KDM4C: variants seen among roughly 807,000 people sequenced by gnomAD.
KDM4C encodes the protein lysine-specific demethylase 4C.
Under a neutral mutation model 129.3 loss-of-function variants are expected in KDM4C, and 81 were observed. That is an observed-to-expected ratio of 0.63 (90% CI 0.52 to 0.75). The LOEUF is 0.75. Ranked by LOEUF, KDM4C falls within the 30% of genes least tolerant of loss-of-function variation. KDM4C has a pLI of 0.00. For missense variants in KDM4C, 1,457 were observed against 1,304.0 expected, an observed-to-expected ratio of 1.12 and a Z score of -1.81; for synonymous variants, 573 against 456.1, an observed-to-expected ratio of 1.26 and a Z score of -3.26.
intron 16 of KDM4C, 142 bp downstream of exon 16, chr9:7,047,059 C>A: frequency 1.6e-6 from 1 of 622,092 alleles, no homozygotes; most frequent in Non-Finnish European, 2.9e-6. Context: ...GAATTCTGTG[C>A]TTCAGAGACT....
chr9:7,048,792 A>G (rs1484878734), intron 16 of KDM4C, among the ~76,000 whole-genome samples: 1 of 152,132 alleles, frequency 6.6e-6, no homozygotes, highest in Non-Finnish European at 1.5e-5. Flanking sequence ...CAAATGAAAT[A>G]AGAAACCCAC....
chr9:6,971,481 C>G (rs1831977899), intron 8 of KDM4C, among the ~76,000 whole-genome samples: 1 of 152,180 alleles, frequency 6.6e-6, no homozygotes, highest in Non-Finnish European at 1.5e-5. Context: ...TACCAAATCA[C>G]TTTCTAGATT....
At chr9:6,790,123 TGGCCG>T (rs898956501) in intron 1 of KDM4C, among the ~76,000 whole-genome samples, 1 of 142,872 alleles carries the variant, frequency 7.0e-6, no homozygotes, top group African/African-American at 2.5e-5. Flanking sequence ...ATACAAAAAT[TGGCCG>T]GGTGTGGTGG....
Position 7,062,837 on chromosome 9 carries a change from G to A in KDM4C, c.2424+13637G>A, listed in dbSNP as rs142389318. On this transcript the variant is annotated intron_variant, in intron 17 of 21. Coordinates refer to ENST00000381309, the MANE Select transcript of KDM4C (RefSeq NM_015061.6). ...GTGACCATTGATGTTTTTGATACGG[G>A]GACACAATGCTATTGACTTCTTTTT... Among the ~76,000 whole-genome samples, 283 of 152,070 alleles carry A rather than the reference G, an allele frequency of 1.9e-3. 1 individual carries two copies. The highest frequency in any genetic ancestry group is 3.4e-3 in the Non-Finnish European group (230 of 67,980).
At chr9:6,857,304 A>T (rs942212497) in intron 5 of KDM4C, among the ~76,000 whole-genome samples, 1 of 152,258 alleles carries the variant, frequency 6.6e-6, no homozygotes, top group East Asian at 1.9e-4. Flanking sequence ...ACCCCAAAAC[A>T]GAAAAGATAA....
intron 1 of KDM4C, among the ~76,000 whole-genome samples, chr9:6,760,772 C>A (rs956406189): frequency 1.3e-5 from 2 of 151,140 alleles, no homozygotes; most frequent in Admixed American, 1.3e-4. Flanking sequence ...TGGGGTTTCA[C>A]TGTGTTAGCC....
intron 16 of KDM4C, among the ~76,000 whole-genome samples, chr9:7,048,010 A>G (rs566642994): frequency 1.3e-5 from 2 of 152,050 alleles, no homozygotes; most frequent in South Asian, 4.1e-4. Flanking sequence ...TTACATTAAT[A>G]AAATTTGTTG....
At chr9:6,743,149 T>G (rs1817757013) in intron 1 of KDM4C, among the ~76,000 whole-genome samples, 1 of 152,130 alleles carries the variant, frequency 6.6e-6, no homozygotes, top group African/African-American at 2.4e-5. Context: ...TAATAAGGGA[T>G]GAAACAGACT....
chr9:6,921,501 G>A (rs1028082176), intron 8 of KDM4C, among the ~76,000 whole-genome samples: 1 of 152,160 alleles, frequency 6.6e-6, no homozygotes, highest in African/African-American at 2.4e-5. Flanking sequence ...AATCAATTCT[G>A]TTGGCTCTAG....
In KDM4C at chr9:6,805,704, T is replaced by G; in HGVS notation, c.250T>G (p.Phe84Val). ...QQMVTGQSGL[F>V]TQYNIQKKAM... ...GATGGTCACAGGGCAGTCAGGACTG[T>G]TCACTCAGTACAACATCCAGAAAAA... Residue 84 changes from phenylalanine to valine, a missense_variant, in exon 3 of 22, where the codon TTC becomes GTC. Phe to Val is a conservative substitution (Grantham distance 50). Coordinates refer to ENST00000381309, the MANE Select transcript of KDM4C (RefSeq NM_015061.6). 1 of 1,614,168 alleles carries G rather than the reference T, an allele frequency of 6.2e-7. No individual in the cohort carries two copies. Among genetic ancestry groups the G allele is most frequent in the Non-Finnish European group, 8.5e-7 (1 of 1,180,022 alleles).
At chr9:7,110,636 G>A (rs2133211681) in intron 18 of KDM4C, among the ~76,000 whole-genome samples, 1 of 152,242 alleles carries the variant, frequency 6.6e-6, no homozygotes, top group Non-Finnish European at 1.5e-5. Flanking sequence ...CTCTTCCACA[G>A]GGGGCCTCTG....
At chr9:6,832,553 G>A (rs1251137193) in intron 4 of KDM4C, among the ~76,000 whole-genome samples, 2 of 146,572 alleles carry the variant, frequency 1.4e-5, no homozygotes, top group Non-Finnish European at 3.0e-5. Context: ...AGCCTCCCGA[G>A]TAGCTGGGAC....
At chr9:6,872,583 C>T (rs192696882) in intron 5 of KDM4C, among the ~76,000 whole-genome samples, 123 of 152,212 alleles carry the variant, frequency 8.1e-4, no homozygotes, top group Admixed American at 3.7e-3. Context: ...TTTAGGAGTT[C>T]GCTCTTCTTG....
chr9:7,051,570 A>T (rs1830155325), intron 17 of KDM4C, among the ~76,000 whole-genome samples: 1 of 152,182 alleles, frequency 6.6e-6, no homozygotes, highest in Non-Finnish European at 1.5e-5. Flanking sequence ...CCGGCAGGAA[A>T]GCAGAGTAGT....
chr9:7,134,875 C>G (rs1841023395), intron 19 of KDM4C, among the ~76,000 whole-genome samples: 2 of 152,206 alleles, frequency 1.3e-5, no homozygotes, highest in South Asian at 2.1e-4. Flanking sequence ...TCATTTGATT[C>G]ATCAACTCTG....
chr9:7,099,967 G>T (rs555141762), intron 17 of KDM4C, among the ~76,000 whole-genome samples: 1 of 151,614 alleles, frequency 6.6e-6, no homozygotes, highest in Non-Finnish European at 1.5e-5. Context: ...CATTTATCTT[G>T]AGGAGTTTGG....
chr9:7,125,852 C>G lies in KDM4C; in HGVS notation c.2611-2214C>G, dbSNP rs137908925. ...CTTCCCAGCAGGTCAGAGCTCATGACATCAAACAAATCAGAGTTGATACCT... is the reference window on the plus strand; with the variant it reads ...CTTCCCAGCAGGTCAGAGCTCATGAGATCAAACAAATCAGAGTTGATACCT... On this transcript the variant is annotated intron_variant, in intron 18 of 21. Transcript: ENST00000381309. Among the ~76,000 whole-genome samples the G allele has an allele frequency of 7.2e-3, 1,093 of 152,232 alleles. 15 individuals are homozygous for G. Among genetic ancestry groups the G allele is most frequent in the African/African-American group, 0.025 (1,050 of 41,516 alleles).
intron 4 of KDM4C, chr9:6,834,326 C>G (rs551817191): frequency 6.8e-6 from 2 of 293,544 alleles, no homozygotes; most frequent in African/African-American, 4.4e-5. Flanking sequence ...ATGAGCCACC[C>G]CATCTGGCCG....
At chr9:6,725,731 A>T (rs1817103384) in intron 1 of KDM4C, among the ~76,000 whole-genome samples, 1 of 96,490 alleles carries the variant, frequency 1.0e-5, no homozygotes, top group Non-Finnish European at 2.0e-5. Flanking sequence ...TTTTTTTGAG[A>T]CAGAGTCTGG....
Sources: gnomAD v4.1 joint callset for allele counts (sites outside exome capture counted in the v4.1 genomes callset) on GRCh38, gnomAD v4.1.1 for gene constraint, MANE v1.5 for transcripts, NCBI Gene and HGNC (gene_info 2026-07-23, HGNC 2026-07-21) for gene names.